The following DNM3 variants were observed in gnomAD, a reference collection of about 807,000 sequenced individuals.
DNM3 encodes dynamin 3.
Under a neutral mutation model 101.6 loss-of-function variants are expected in DNM3, and 47 were observed. That is an observed-to-expected ratio of 0.46 (90% CI 0.37 to 0.59). DNM3 has a LOEUF of 0.59. Ranked by LOEUF, DNM3 falls within the 20% of genes least tolerant of loss-of-function variation. The pLI, the probability that DNM3 is intolerant of heterozygous loss-of-function variation, is 0.00. For synonymous variants in DNM3, 385 were observed against 387.9 expected (o/e 0.99, Z 0.09); for missense variants, 849 against 1,085.7 (o/e 0.78, Z 3.06).
At chr1:171,984,502 G>A (rs956355802) in intron 2 of DNM3, among the ~76,000 whole-genome samples, 19 of 152,136 alleles carry the variant, frequency 1.2e-4, no homozygotes, top group African/African-American at 4.6e-4. Context: ...CTTCCATACA[G>A]CATGGCCTGC....
chr1:171,989,085 C>G lies in DNM3; in HGVS notation c.526C>G (p.Pro176Ala), dbSNP rs1256725670. 1.9e-6 allele frequency: 3 copies of G among 1,613,114 alleles called. No individual in the cohort carries two copies. Among genetic ancestry groups the G allele is most frequent in the Non-Finnish European group, 2.5e-6 (3 of 1,179,466 alleles). Residue 176 changes from proline to alanine, a missense_variant, in exon 4 of 21, where the codon CCA becomes GCA. Pro to Ala is a conservative substitution (Grantham distance 27). This residue lies in a region of DNM3 where 388 missense variants were observed against 483.0 expected (regional missense o/e 0.80). Transcript: ENST00000627582. ...RENCLILAVT[P>A]ANTDLANSDA... ...GAACTGTCTGATTTTAGCTGTTACT[C>G]CAGCCAACACTGATCTTGCAAACTC...
chr1:172,163,920 T>C (rs11800007), intron 14 of DNM3, among the ~76,000 whole-genome samples: 10,638 of 151,618 alleles, frequency 0.07, 455 homozygotes, highest in East Asian at 0.15. Flanking sequence ...TATATGTATA[T>C]ATGCATGTGC....
chr1:172,154,014 G>GTTCA (rs1256076081), intron 14 of DNM3, among the ~76,000 whole-genome samples: 1 of 150,982 alleles, frequency 6.6e-6, no homozygotes, highest in African/African-American at 2.5e-5. Context: ...CCATTCATTC[G>GTTCA]TTCATTCATT....
At chr1:172,353,796 G>A (rs919360617) in intron 17 of DNM3, among the ~76,000 whole-genome samples, 39 of 152,196 alleles carry the variant, frequency 2.6e-4, no homozygotes, top group Non-Finnish European at 4.9e-4. Context: ...AACTATATAA[G>A]TGAAACAACT....
chr1:172,262,249 GA>G (rs1166870044), intron 15 of DNM3, among the ~76,000 whole-genome samples: 2 of 152,160 alleles, frequency 1.3e-5, no homozygotes, highest in Non-Finnish European at 2.9e-5. Flanking sequence ...GGGGGCATAT[GA>G]AAAGGTGTAG....
intron 1 of DNM3, among the ~76,000 whole-genome samples, chr1:171,852,707 C>A (rs1571249125): frequency 6.6e-6 from 1 of 152,168 alleles, no homozygotes; most frequent in African/African-American, 2.4e-5. Context: ...GGCAGATAGA[C>A]TTAAACTTAA....
Position 172,409,361 on chromosome 1 carries a change from CATAAAGT to C in DNM3, c.*1529_*1535del, listed in dbSNP as rs1164872181. On this transcript the variant is annotated 3_prime_UTR_variant, in exon 21 of 21. Transcript: ENST00000627582. ...GTAGTTTACACCCAGAGCAGATACT[CATAAAGT>C]ATAAAGTAAAAACTTTTAACCATTA... 8.1e-6 allele frequency: 8 copies of C among 984,988 alleles called. No homozygotes were observed. The highest frequency in any genetic ancestry group is 5.2e-4 in the Middle Eastern group (1 of 1,936). The allele number at this position is 984,988 out of a possible 1,614,324, so 61.0% of individuals were successfully genotyped here.
intron 20 of DNM3, chr1:172,389,037 G>A: frequency 3.5e-6 from 2 of 569,744 alleles, no homozygotes; most frequent in Non-Finnish European, 6.3e-6. Context: ...GACTAAATAG[G>A]ACTAAAGAAC....
At chr1:172,005,322 A>G (rs2046616086) in intron 4 of DNM3, among the ~76,000 whole-genome samples, 1 of 152,124 alleles carries the variant, frequency 6.6e-6, no homozygotes, top group Non-Finnish European at 1.5e-5. Context: ...AAGTTGGTTA[A>G]AAAGCGAGTT....
intron 14 of DNM3, among the ~76,000 whole-genome samples, chr1:172,180,485 A>G (rs576450776): frequency 2.0e-5 from 3 of 152,254 alleles, no homozygotes; most frequent in Admixed American, 2.0e-4. Flanking sequence ...AAGTGGATTC[A>G]TTGTAATATC....
In DNM3 at chr1:172,036,127, G is replaced by A. The variant is rs558540037; in HGVS notation, c.850-2192G>A. ...CCATTAACTCGTCATTTAGCATTAG[G>A]TATATCTCCTAAAGCTATCCCTCCC... On this transcript the variant is annotated intron_variant, in intron 6 of 20. Coordinates refer to ENST00000627582, the MANE Select transcript of DNM3 (RefSeq NM_015569.5). Among the ~76,000 whole-genome samples, 940 of 146,992 alleles carry A rather than the reference G, an allele frequency of 6.4e-3. 15 individuals are homozygous for A. Among genetic ancestry groups the A allele is most frequent in the African/African-American group, 0.022 (884 of 39,636 alleles).
chr1:171,850,194 G>C (rs2032761523), intron 1 of DNM3, among the ~76,000 whole-genome samples: 1 of 152,206 alleles, frequency 6.6e-6, no homozygotes, highest in African/African-American at 2.4e-5. Context: ...CTTAAAAGAA[G>C]TACCAACATT....
chr1:172,232,011 A>C (rs2148611280), intron 14 of DNM3, among the ~76,000 whole-genome samples: 1 of 152,314 alleles, frequency 6.6e-6, no homozygotes, highest in South Asian at 2.1e-4. Flanking sequence ...CAAGTTGGAA[A>C]ACACTCTGCA....
At chr1:171,933,721 G>C (rs908707971) in intron 2 of DNM3, among the ~76,000 whole-genome samples, 5 of 152,086 alleles carry the variant, frequency 3.3e-5, no homozygotes, top group Non-Finnish European at 7.4e-5. Flanking sequence ...ATGATGAAAG[G>C]GAACATGATA....
intron 13 of DNM3, among the ~76,000 whole-genome samples, chr1:172,122,266 C>T (rs1449643716): frequency 1.3e-5 from 2 of 152,042 alleles, no homozygotes; most frequent in Non-Finnish European, 1.5e-5. Context: ...CCTGTCCTTA[C>T]AATAACAAAT....
At chr1:172,398,386 T>A (rs368240019) in intron 20 of DNM3, among the ~76,000 whole-genome samples, 16 of 152,234 alleles carry the variant, frequency 1.1e-4, no homozygotes, top group African/African-American at 3.9e-4. Context: ...TTCTGGTTTA[T>A]TGGCCTCATC....
At chr1:172,077,995 G>C (rs961736152) in intron 11 of DNM3, among the ~76,000 whole-genome samples, 1 of 152,134 alleles carries the variant, frequency 6.6e-6, no homozygotes, top group African/African-American at 2.4e-5. Flanking sequence ...TGTATTGGGT[G>C]CATATATATT....
chr1:172,256,440 A>AT (rs1423302958), intron 15 of DNM3, among the ~76,000 whole-genome samples: 1 of 151,742 alleles, frequency 6.6e-6, no homozygotes, highest in African/African-American at 2.4e-5. Context: ...GAATAATTGT[A>AT]TTTTTTCTAG....
At chr1:172,031,332 T>A (rs1473156720) in intron 4 of DNM3, among the ~76,000 whole-genome samples, 1 of 152,072 alleles carries the variant, frequency 6.6e-6, no homozygotes, top group Admixed American at 6.5e-5. Flanking sequence ...TTCTCACTCA[T>A]AAGTGGGAGT....
Sources: gnomAD v4.1 joint callset for allele counts (sites outside exome capture counted in the v4.1 genomes callset) on GRCh38, gnomAD v4.1.1 for gene constraint, gnomAD v4.1.1 regional missense constraint, MANE v1.5 for transcripts, NCBI Gene and HGNC (gene_info 2026-07-23, HGNC 2026-07-21) for gene names.